The following PPP2R2C variants were observed in gnomAD, a reference collection of about 807,000 sequenced individuals.
The protein encoded by PPP2R2C is protein phosphatase 2, regulatory subunit B, gamma.
In PPP2R2C, 10 loss-of-function variants were observed where a neutral mutation model predicts 45.3. That is an observed-to-expected ratio of 0.22 (90% CI 0.14 to 0.37). PPP2R2C has a LOEUF of 0.37. PPP2R2C is among the 10% of genes least tolerant of loss of function. The pLI is 1.00. For synonymous variants in PPP2R2C, 257 were observed against 245.4 expected (o/e 1.05, Z -0.44); for missense variants, 308 against 619.7 (o/e 0.50, Z 5.34).
At chr4:6,507,162 G>A (rs995298656) in intron 2 of PPP2R2C, among the ~76,000 whole-genome samples, 1 of 152,232 alleles carries the variant, frequency 6.6e-6, no homozygotes, top group East Asian at 1.9e-4. Context: ...GTCATGTTAA[G>A]TTTGCAATGC....
chr4:6,512,201 T>C, intron 2 of PPP2R2C, among the ~76,000 whole-genome samples: 1 of 86,504 alleles, frequency 1.2e-5, no homozygotes, highest in Non-Finnish European at 2.4e-5. Flanking sequence ...GTGGTGGTGA[T>C]GGTGGTGGTG....
chr4:6,518,433 A>T (rs1723898832), intron 2 of PPP2R2C, among the ~76,000 whole-genome samples: 1 of 152,210 alleles, frequency 6.6e-6, no homozygotes, highest in South Asian at 2.1e-4. Flanking sequence ...GGAGAAGGAC[A>T]CAACTGTTAA....
rs964871155 is a variant in PPP2R2C, at chr4:6,368,545, G to A, written c.625+3978C>T. Among the ~76,000 whole-genome samples, 4 of 152,162 alleles carry A rather than the reference G, an allele frequency of 2.6e-5. No individual in the cohort carries two copies. Among genetic ancestry groups the A allele is most frequent in the South Asian group, 2.1e-4 (1 of 4,822 alleles). On this transcript the variant is annotated intron_variant, in intron 5 of 8. Coordinates refer to ENST00000382599, the MANE Select transcript of PPP2R2C (RefSeq NM_020416.4). This position sits in a 1 kb window ranked among gnomAD's most constrained non-coding sequence, Gnocchi z 4.2. ...TCTGTGTGTTCGGGACGGGACAGGA[G>A]GCAAGGCTCACGGTAACGGCCAGGG...
chr4:6,380,305 T>C (rs1440296438), intron 2 of PPP2R2C: 3 of 152,314 alleles, frequency 2.0e-5, no homozygotes, highest in East Asian at 1.9e-4. Flanking sequence ...TCTCAGTAAA[T>C]GGGCTTTTGT....
At chr4:6,351,636 G>A (rs1705591240) in intron 5 of PPP2R2C, among the ~76,000 whole-genome samples, 1 of 152,194 alleles carries the variant, frequency 6.6e-6, no homozygotes, top group Admixed American at 6.5e-5. Flanking sequence ...GAGACACAGA[G>A]GCCCTGCATC....
At chr4:6,494,658 G>A (rs59554018) in intron 2 of PPP2R2C, among the ~76,000 whole-genome samples, 40,761 of 151,962 alleles carry the variant, frequency 0.27, 6,071 homozygotes, top group Middle Eastern at 0.34. Context: ...GCGGCACGCC[G>A]TCCAGGTGGG....
intron 1 of PPP2R2C, among the ~76,000 whole-genome samples, chr4:6,411,108 T>C (rs1167636832): frequency 6.6e-6 from 1 of 151,944 alleles, no homozygotes; most frequent in African/African-American, 2.4e-5. Flanking sequence ...TGAGCTCAAG[T>C]GATCTACCCA....
At chr4:6,499,617 A>T (rs1369357329) in intron 2 of PPP2R2C, among the ~76,000 whole-genome samples, 3 of 152,146 alleles carry the variant, frequency 2.0e-5, no homozygotes, top group African/African-American at 7.2e-5. Flanking sequence ...CTAATGGGTC[A>T]TCTAGGGTTT....
chr4:6,482,503 C>A (rs1722389022), intron 2 of PPP2R2C, among the ~76,000 whole-genome samples: 1 of 152,188 alleles, frequency 6.6e-6, no homozygotes, highest in Admixed American at 6.5e-5. Context: ...GATTTTACTG[C>A]TACTGTAAAT....
chr4:6,545,301 G>A (rs1724941319), intron 1 of PPP2R2C, among the ~76,000 whole-genome samples: 2 of 152,224 alleles, frequency 1.3e-5, no homozygotes, highest in East Asian at 3.8e-4. Flanking sequence ...ATTTATCATA[G>A]TAGCAGTGGA....
intron 2 of PPP2R2C, among the ~76,000 whole-genome samples, chr4:6,512,139 T>G (rs1389548542): frequency 0.06 from 481 of 8,020 alleles, no homozygotes; most frequent in Admixed American, 0.069. Flanking sequence ...TGGTGGTGAT[T>G]ATGGTGGTAG....
At chr4:6,430,129 T>C (rs1719537563) in intron 1 of PPP2R2C, among the ~76,000 whole-genome samples, 2 of 152,164 alleles carry the variant, frequency 1.3e-5, no homozygotes, top group Non-Finnish European at 2.9e-5. Context: ...ATGAATCCAT[T>C]TCCTCTTCCA....
chr4:6,535,378 C>G lies in PPP2R2C; in HGVS notation c.-58-1G>C. On this transcript the variant is annotated splice_acceptor_variant, in intron 1 of 9. Coordinates refer to the PPP2R2C transcript ENST00000506140. LOFTEE classifies it low-confidence loss of function (5UTR_SPLICE). ...AAAAGGTCTTCTTTCTATTTTACTT[C>G]TATAATCAGAAAAAAAAACTAAAGT... 1.3e-6 allele frequency: 2 copies of G among 1,502,626 alleles called. No homozygotes were observed. The highest frequency in any genetic ancestry group is 1.2e-5 in the South Asian group (1 of 82,662). 93.1% of individuals were successfully genotyped at this position (1,502,626 alleles called of 1,614,324 possible). A position where few individuals can be genotyped will look rare whatever the true frequency, so the allele number is the denominator to read the frequency against.
At chr4:6,524,243 C>T (rs944639979) in intron 2 of PPP2R2C, among the ~76,000 whole-genome samples, 36 of 152,042 alleles carry the variant, frequency 2.4e-4, no homozygotes. Flanking sequence ...AGTTCTAATG[C>T]GAGCTACATC....
intron 5 of PPP2R2C, among the ~76,000 whole-genome samples, chr4:6,370,269 C>T (rs1476554107): frequency 2.0e-5 from 3 of 152,246 alleles, no homozygotes; most frequent in African/African-American, 7.2e-5. Context: ...TCCGTTTCCT[C>T]ATCTGTGAAA....
chr4:6,339,055 T>C (rs1274201731), intron 6 of PPP2R2C, among the ~76,000 whole-genome samples: 1 of 152,246 alleles, frequency 6.6e-6, no homozygotes, highest in Non-Finnish European at 1.5e-5. Flanking sequence ...GAGATCCCTT[T>C]CCCATTTTTA....
intron 1 of PPP2R2C, among the ~76,000 whole-genome samples, chr4:6,402,036 T>C (rs73078765): frequency 1.6e-4 from 24 of 152,314 alleles, no homozygotes; most frequent in African/African-American, 5.8e-4. Context: ...CATCTGCGCA[T>C]TGAGGTTAAT....
chr4:6,531,077 T>G (rs1160600007), intron 2 of PPP2R2C, among the ~76,000 whole-genome samples: 1 of 152,142 alleles, frequency 6.6e-6, no homozygotes, highest in Admixed American at 6.5e-5. Context: ...TCACCCCTCC[T>G]GGGGCCAGGA....
At chr4:6,421,663 A>C (rs1718976826) in intron 1 of PPP2R2C, among the ~76,000 whole-genome samples, 2 of 152,018 alleles carry the variant, frequency 1.3e-5, no homozygotes, top group East Asian at 3.9e-4. Context: ...GCTGAGAATG[A>C]CGAGGAGAGG....
Sources: gnomAD v4.1 joint callset for allele counts (sites outside exome capture counted in the v4.1 genomes callset) on GRCh38, gnomAD v4.1.1 for gene constraint, Gnocchi (gnomAD v3.1) non-coding constraint, MANE v1.5 for transcripts, NCBI Gene and HGNC (gene_info 2026-07-23, HGNC 2026-07-21) for gene names.